Variants in PEX5L observed in about 807,000 individuals in gnomAD.
The protein encoded by PEX5L is peroxisomal biogenesis factor 5 like.
Under a neutral mutation model 84.0 loss-of-function variants are expected in PEX5L, and 30 were observed. The ratio of observed to expected loss-of-function variants is 0.36; its 90% CI spans 0.27 to 0.48. The LOEUF (loss-of-function observed/expected upper bound fraction) is 0.48, where lower values mean the gene tolerates loss of function less well. PEX5L is among the 20% of genes least tolerant of loss of function. The pLI, the probability that PEX5L is intolerant of heterozygous loss-of-function variation, is 0.99. For missense variants in PEX5L, 533 were observed against 754.6 expected (o/e 0.71, Z 3.44); for synonymous variants, 270 against 283.1 (o/e 0.95, Z 0.46).
rs191390853 is a variant in PEX5L at position 179,830,579 on chromosome 3, T to C, written c.823-10603A>G. 1.4e-3 allele frequency among the ~76,000 whole-genome samples: 206 copies of C among 152,304 alleles called. 1 individual carries two copies. Among genetic ancestry groups the C allele is most frequent in the Middle Eastern group, 3.4e-3 (1 of 294 alleles). On this transcript the variant is annotated intron_variant, in intron 8 of 14. Transcript: ENST00000467460. ...CGTGCCTAATGTGGAACTAGGTAGT[T>C]TCTGTTATACCCACCAATGCCTCAA...
chr3:179,834,693 A>T (rs536683941), intron 8 of PEX5L, among the ~76,000 whole-genome samples: 4 of 152,292 alleles, frequency 2.6e-5, no homozygotes, highest in African/African-American at 9.6e-5. Context: ...AGAGGACTGG[A>T]TGTTTTAGTG....
At chr3:179,875,231 T>G (rs1751939879) in intron 6 of PEX5L, 123 bp downstream of exon 6, 2 of 785,220 alleles carry the variant, frequency 2.5e-6, no homozygotes, top group Non-Finnish European at 4.1e-6. Flanking sequence ...CAATAATTGG[T>G]ATTGTTATAT....
At chr3:179,859,589 A>C (rs1745279674) in intron 7 of PEX5L, among the ~76,000 whole-genome samples, 1 of 152,238 alleles carries the variant, frequency 6.6e-6, no homozygotes, top group African/African-American at 2.4e-5. Context: ...GGTTAAAAAC[A>C]TAAAAGCTGC....
chr3:179,975,323 C>T (rs771187211), intron 1 of PEX5L, among the ~76,000 whole-genome samples: 12 of 152,142 alleles, frequency 7.9e-5, no homozygotes, highest in Non-Finnish European at 1.8e-4. Context: ...AATGAAGTAA[C>T]TCCTGTTCAT....
At chr3:179,965,552 C>T (rs923231892) in intron 2 of PEX5L, among the ~76,000 whole-genome samples, 1 of 152,164 alleles carries the variant, frequency 6.6e-6, no homozygotes, top group Admixed American at 6.5e-5. Flanking sequence ...GCCTCTGTGC[C>T]GCTCTATGAC....
intron 3 of PEX5L, among the ~76,000 whole-genome samples, chr3:179,897,061 A>T (rs974627077): frequency 2.6e-5 from 4 of 152,128 alleles, no homozygotes; most frequent in African/African-American, 9.7e-5. Context: ...GTTATATGTT[A>T]TAATTTTTAT....
intron 2 of PEX5L, among the ~76,000 whole-genome samples, chr3:179,950,989 A>C (rs1022746514): frequency 6.6e-6 from 1 of 152,224 alleles, no homozygotes; most frequent in Admixed American, 6.5e-5. Flanking sequence ...ACAAGATGTA[A>C]GTCCTGCTGG....
At chr3:179,833,391 T>C (rs1733836386) in intron 8 of PEX5L, among the ~76,000 whole-genome samples, 1 of 152,204 alleles carries the variant, frequency 6.6e-6, no homozygotes, top group African/African-American at 2.4e-5. Context: ...AGAACCCACA[T>C]CTCTTAATTC....
Position 179,971,660 on chromosome 3 carries a change from A to C in PEX5L, c.27T>G (p.Ser9Arg). The C allele has an allele frequency of 6.2e-7, 1 of 1,600,152 alleles. No individual in the cohort carries two copies. The highest frequency in any genetic ancestry group is 8.5e-7 in the Non-Finnish European group (1 of 1,173,762). Residue 9 changes from serine to arginine, a missense_variant, in exon 2 of 15, where the codon AGT becomes AGG. This residue lies in a region of PEX5L where 259 missense variants were observed against 301.7 expected (regional missense o/e 0.86). Transcript: ENST00000467460. ...TTAGTTTTCCATATCCTTGTTCTTT[A>C]CTTTTCTTGTGAAAGAATAATTTTA... MYQGHMQK[S>R]KEQGYGKLSS...
intron 1 of PEX5L, among the ~76,000 whole-genome samples, chr3:179,984,237 T>G (rs1295328989): frequency 6.6e-6 from 1 of 152,110 alleles, no homozygotes; most frequent in African/African-American, 2.4e-5. Flanking sequence ...AATGGAAAAA[T>G]CTACTGCAAA....
At chr3:179,924,048 A>G (rs1770668580) in intron 2 of PEX5L, among the ~76,000 whole-genome samples, 1 of 152,208 alleles carries the variant, frequency 6.6e-6, no homozygotes, top group Admixed American at 6.5e-5. Context: ...AAACTAAGAT[A>G]TATAATCAAG....
chr3:179,897,020 T>C (rs987133030), intron 3 of PEX5L, among the ~76,000 whole-genome samples: 1 of 152,114 alleles, frequency 6.6e-6, no homozygotes, highest in Non-Finnish European at 1.5e-5. Flanking sequence ...TTGGGAATCT[T>C]TAATAGCTTT....
Position 179,809,495 on chromosome 3 carries a change from C to G in PEX5L, c.1328G>C (p.Arg443Pro), listed in dbSNP as rs201842132. 1 of 1,613,898 alleles carries G rather than the reference C, an allele frequency of 6.2e-7. No homozygotes were observed. Among genetic ancestry groups the G allele is most frequent in the Admixed American group, 1.7e-5 (1 of 60,012 alleles). Reference sequence around the variant, plus strand: ...CCTATCAACTGGGGACTTAGACATCCGCCGGGTGAGGCCTGGAGATCCCTT... The same window carrying G: ...CCTATCAACTGGGGACTTAGACATCGGCCGGGTGAGGCCTGGAGATCCCTT... ...SKKGSPGLTR[R>P]MSKSPVDSSV... Residue 443 changes from arginine (R) to proline (P), a missense_variant, in exon 12 of 15, where the codon CGG (arginine) becomes CCG (proline). Coordinates refer to ENST00000467460, the MANE Select transcript of PEX5L (RefSeq NM_016559.3).
intron 8 of PEX5L, among the ~76,000 whole-genome samples, chr3:179,837,791 A>G (rs1735541896): frequency 6.6e-6 from 1 of 152,218 alleles, no homozygotes; most frequent in Non-Finnish European, 1.5e-5. Flanking sequence ...TACGTTGGGT[A>G]TTGTCAAAAC....
At chr3:179,967,598 G>T (rs1783671800) in intron 2 of PEX5L, among the ~76,000 whole-genome samples, 1 of 152,088 alleles carries the variant, frequency 6.6e-6, no homozygotes, top group Non-Finnish European at 1.5e-5. Context: ...GTTCTTTAAA[G>T]GTACCTTTGG....
chr3:179,807,823 T>A lies in PEX5L; in HGVS notation c.1527A>T (p.Ser509=), dbSNP rs761415355. Residue 509 remains serine, a synonymous_variant, in exon 14 of 15, where the codon TCA becomes TCT. Transcript: ENST00000467460. Reference sequence around the variant, plus strand: ...AGGTCGCCCCGAGGCGGTTCCATAGTGAATAGTCCTGATGACAAAATCAGA... The same window carrying A: ...AGGTCGCCCCGAGGCGGTTCCATAGAGAATAGTCCTGATGACAAAATCAGA... ...AALTVRPEDY[S]LWNRLGATLA... The A allele has an allele frequency of 1.2e-6, 2 of 1,613,384 alleles. No homozygotes were observed. Among genetic ancestry groups the A allele is most frequent in the Non-Finnish European group, 1.7e-6 (2 of 1,179,860 alleles).
intron 8 of PEX5L, among the ~76,000 whole-genome samples, chr3:179,854,195 C>T (rs1743029962): frequency 1.3e-5 from 2 of 151,232 alleles, no homozygotes; most frequent in African/African-American, 4.9e-5. Context: ...AGATCCTCAC[C>T]CATATAAGGC....
At chr3:179,872,477 C>G (rs1363500332) in intron 7 of PEX5L, among the ~76,000 whole-genome samples, 1 of 152,166 alleles carries the variant, frequency 6.6e-6, no homozygotes, top group East Asian at 1.9e-4. Flanking sequence ...ATAGAAAACT[C>G]TCAGGTGCAT....
chr3:179,933,708 G>A (rs1291879457), intron 2 of PEX5L, among the ~76,000 whole-genome samples: 1 of 152,188 alleles, frequency 6.6e-6, no homozygotes, highest in Non-Finnish European at 1.5e-5. Context: ...AGAGAGGCAG[G>A]AGCTCCATTA....
Sources: allele counts gnomAD v4.1 joint callset (sites outside exome capture counted in the v4.1 genomes callset), GRCh38; gene constraint gnomAD v4.1.1; regional missense constraint gnomAD v4.1.1; transcripts MANE v1.5; gene names NCBI Gene and HGNC (gene_info 2026-07-23, HGNC 2026-07-21).